Variants in TIAM2 observed in about 807,000 individuals in gnomAD.
The protein encoded by TIAM2 is TIAM Rac1 associated GEF 2, also known as rho guanine nucleotide exchange factor TIAM2.
Under a neutral mutation model 152.9 loss-of-function variants are expected in TIAM2, and 80 were observed. That is an observed-to-expected ratio of 0.52 (90% CI 0.44 to 0.63). TIAM2 has a LOEUF of 0.63. TIAM2 is among the 30% of genes least tolerant of loss of function. The pLI is 0.00. For synonymous variants in TIAM2, 804 were observed against 838.0 expected, an observed-to-expected ratio of 0.96 and a Z score of 0.70; for missense variants, 1,965 against 2,120.1, an observed-to-expected ratio of 0.93 and a Z score of 1.44.
intron 14 of TIAM2, among the ~76,000 whole-genome samples, chr6:155,187,573 C>CCTTTTTTTTTTTT (rs1189509294): frequency 8.1e-5 from 4 of 49,612 alleles, no homozygotes; most frequent in African/African-American, 3.2e-4. Context: ...ACCCCGCCCC[C>CCTTTTTTTTTTTT]TTTTTTTTTT....
chr6:155,098,550 C>T (rs544979712), intron 2 of TIAM2, among the ~76,000 whole-genome samples: 2 of 152,274 alleles, frequency 1.3e-5, no homozygotes, highest in East Asian at 3.9e-4. Context: ...TTGCTGGATT[C>T]ATTTATCAGT....
intron 1 of TIAM2, among the ~76,000 whole-genome samples, chr6:155,024,852 A>G (rs186466699): frequency 6.6e-6 from 1 of 152,238 alleles, no homozygotes; most frequent in East Asian, 1.9e-4. Flanking sequence ...CAGGTGGTTG[A>G]GTGTTGGCAT....
chr6:155,223,528 T>C (rs73006774), intron 15 of TIAM2, among the ~76,000 whole-genome samples: 37 of 66,106 alleles, frequency 5.6e-4, no homozygotes, highest in African/African-American at 5.4e-4. Flanking sequence ...TTTTTTTTTC[T>C]TTTTTTTTTT....
Position 155,144,652 on chromosome 6 carries a change from T to G in TIAM2, c.1677T>G (p.Asp559Glu). Residue 559 changes from aspartate to glutamate, a missense_variant, in exon 6 of 27, where the codon GAT becomes GAG. This residue lies in a region of TIAM2 where 1,025 missense variants were observed against 1,119.4 expected (regional missense o/e 0.92). Transcript: ENST00000682666. Reference sequence around the variant, plus strand: ...AGACCTATGGGAAGAATTCCATGGATCAGAGCAGTGCCCCTCGGTGTGCTC... The same window carrying G: ...AGACCTATGGGAAGAATTCCATGGAGCAGAGCAGTGCCCCTCGGTGTGCTC... ...FYETYGKNSM[D>E]QSSAPRCALF... The G allele has an allele frequency of 6.3e-7, 1 of 1,591,228 alleles. No individual in the cohort carries two copies. The highest frequency in any genetic ancestry group is 8.5e-7 in the Non-Finnish European group (1 of 1,172,008).
rs371525311 is a variant in TIAM2 at position 155,111,943 on chromosome 6, C to T, written c.-117-15547C>T. Among the ~76,000 whole-genome samples, 127 of 152,264 alleles carry T rather than the reference C, an allele frequency of 8.3e-4. 2 individuals are homozygous for T. In the South Asian group the frequency reaches 0.022, roughly 26 times the overall value. On this transcript the variant is annotated intron_variant, in intron 2 of 26. Transcript: ENST00000682666. ...CTCAAACTCAATCCAGTCGGTCTTT[C>T]TCCACCCCATTCTGCCCTTGTCCTG...
intron 9 of TIAM2, among the ~76,000 whole-genome samples, chr6:155,171,656 C>T (rs1780590821): frequency 6.6e-6 from 1 of 152,150 alleles, no homozygotes; most frequent in Non-Finnish European, 1.5e-5. Flanking sequence ...TACTCTTCAC[C>T]ACAGTATGGT....
intron 1 of TIAM2, among the ~76,000 whole-genome samples, chr6:155,054,191 A>G (rs118168445): frequency 0.018 from 2,762 of 152,102 alleles, 48 homozygotes; most frequent in East Asian, 0.056. Context: ...AAACAAAACA[A>G]AACAAAAACC....
intron 4 of TIAM2, among the ~76,000 whole-genome samples, chr6:155,136,345 G>A (rs553755970): frequency 6.6e-6 from 1 of 151,776 alleles, no homozygotes; most frequent in East Asian, 2.0e-4. Context: ...CCTGATCTTG[G>A]TTCACAGCAA....
At chr6:155,205,102 C>A (rs1400224474) in intron 14 of TIAM2, among the ~76,000 whole-genome samples, 1 of 146,482 alleles carries the variant, frequency 6.8e-6, no homozygotes, top group Non-Finnish European at 1.5e-5. Context: ...CTCCCAACAC[C>A]ATTGCATTGA....
Position 155,240,658 on chromosome 6 carries a change from C to T in TIAM2, c.3297C>T (p.Arg1099=). The part of the protein sequence containing the change: ...SLARHLSDAD[R]LRKVIQELVD... ...CCCGCCACCTGTCTGATGCAGACCGCCTCCGCAAAGTCATCCAGGAGCTTG... is the reference window on the plus strand; with the variant it reads ...CCCGCCACCTGTCTGATGCAGACCGTCTCCGCAAAGTCATCCAGGAGCTTG... The change falls in exon 16 of 27, where the codon CGC becomes CGT. Residue 1099 remains arginine, a synonymous_variant. Transcript: ENST00000682666. 6.2e-7 allele frequency: 1 copy of T among 1,613,962 alleles called. No individual in the cohort carries two copies. The highest frequency in any genetic ancestry group is 8.5e-7 in the Non-Finnish European group (1 of 1,180,032).
intron 7 of TIAM2, among the ~76,000 whole-genome samples, chr6:155,158,579 G>A (rs187126353): frequency 1.3e-5 from 2 of 151,380 alleles, no homozygotes; most frequent in Admixed American, 1.3e-4. Flanking sequence ...TTTTGACAGG[G>A]TCTCACTCTG....
intron 1 of TIAM2, among the ~76,000 whole-genome samples, chr6:155,031,388 T>G (rs1222266865): frequency 3.9e-5 from 6 of 152,194 alleles, no homozygotes. Flanking sequence ...TAATATTTTT[T>G]AGTAGCTGTC....
At chr6:155,068,699 C>T (rs1381748904) in intron 1 of TIAM2, among the ~76,000 whole-genome samples, 2 of 151,376 alleles carry the variant, frequency 1.3e-5, no homozygotes, top group African/African-American at 2.4e-5. Context: ...TCAGGTGATC[C>T]GTCCGCCTCG....
At chr6:155,165,470 G>C in intron 9 of TIAM2, 61 bp downstream of exon 9, 1 of 1,558,068 alleles carries the variant, frequency 6.4e-7, no homozygotes, top group Non-Finnish European at 8.7e-7. Context: ...CCTAATTTTC[G>C]GCCTGCTATG....
At chr6:155,091,928 C>T (rs934570716) in intron 2 of TIAM2, among the ~76,000 whole-genome samples, 15 of 152,282 alleles carry the variant, frequency 9.9e-5, no homozygotes, top group South Asian at 2.1e-4. Context: ...GACAGCGACG[C>T]GCTCTGTTGC....
chr6:155,124,550 G>A (rs1779246865), intron 2 of TIAM2, among the ~76,000 whole-genome samples: 1 of 150,592 alleles, frequency 6.6e-6, no homozygotes, highest in African/African-American at 2.4e-5. Context: ...GGCTGGTCTC[G>A]AACTCCCGAC....
chr6:155,150,641 G>A (rs1302515130), intron 7 of TIAM2, among the ~76,000 whole-genome samples: 4 of 152,154 alleles, frequency 2.6e-5, no homozygotes, highest in Non-Finnish European at 5.9e-5. Context: ...CTGTAAAGCG[G>A]GTGGCTTATA....
chr6:155,253,626 C>G (rs1583293178), intron 24 of TIAM2: 1 of 199,630 alleles, frequency 5.0e-6, no homozygotes, highest in East Asian at 1.3e-4. Context: ...CCTCTTTTAC[C>G]TCAAGTACCC....
chr6:155,155,525 A>C (rs1429048770), intron 7 of TIAM2, among the ~76,000 whole-genome samples: 1 of 152,162 alleles, frequency 6.6e-6, no homozygotes, highest in East Asian at 1.9e-4. Context: ...CCCAGGCTGG[A>C]ATGCAGTGGT....
Sources: allele counts gnomAD v4.1 joint callset (sites outside exome capture counted in the v4.1 genomes callset), GRCh38; gene constraint gnomAD v4.1.1; regional missense constraint gnomAD v4.1.1; transcripts MANE v1.5; gene names NCBI Gene and HGNC (gene_info 2026-07-23, HGNC 2026-07-21).